LGALS8: variants seen among roughly 807,000 people sequenced by gnomAD.
The protein encoded by LGALS8 is galectin 8, also known as galectin-8.
A neutral mutation model predicts 35.9 loss-of-function variants in LGALS8; 30 were observed. That is an observed-to-expected ratio of 0.83 (90% CI 0.62 to 1.13). The LOEUF is 1.13. Among genes scored for constraint, LGALS8 ranks in the 50% most tolerant of loss-of-function variants. The pLI is 0.00. For missense variants in LGALS8, 366 were observed against 388.7 expected, an observed-to-expected ratio of 0.94 and a Z score of 0.49; for synonymous variants, 138 against 136.1, an observed-to-expected ratio of 1.01 and a Z score of -0.10.
At position 236,549,382 on chromosome 1, in the gene LGALS8, T is replaced by C. The variant is rs1662607655; in HGVS notation, c.*1221T>C. The C allele has an allele frequency of 6.0e-6, 1 of 166,962 alleles. No individual in the cohort carries two copies. Among genetic ancestry groups the C allele is most frequent in the South Asian group, 2.0e-4 (1 of 4,924 alleles). The allele number at this position is 166,962 out of a possible 1,614,324, so 10.3% of individuals were successfully genotyped here. ...ACAGGAAATTTCAAAGGTTTGGGAG[T>C]GGGGAGGGAAAAAAGCTCAGTCAGT... On this transcript the variant is annotated 3_prime_UTR_variant, in exon 10 of 10. Coordinates refer to ENST00000366584, the MANE Select transcript of LGALS8 (RefSeq NM_201544.4).
chr1:236,533,127 T>C (rs1301971717), intron 2 of LGALS8, among the ~76,000 whole-genome samples: 1 of 152,224 alleles, frequency 6.6e-6, no homozygotes, highest in Non-Finnish European at 1.5e-5. Context: ...TGACCCTGGC[T>C]GTACCTTTCT....
Position 236,526,004 on chromosome 1 carries a change from A to G in LGALS8, c.-67A>G. The G allele has an allele frequency of 4.6e-6, 6 of 1,300,468 alleles. No individual in the cohort carries two copies. The highest frequency in any genetic ancestry group is 6.7e-6 in the Non-Finnish European group (6 of 901,700). The allele number at this position is 1,300,468 out of a possible 1,614,324, so 80.6% of individuals were successfully genotyped here. ...CAGTTTCAATCCAGGTAACCTTTAAATGAAACTTGCCTAAAATCTTAGGTC... is the reference window on the plus strand; with the variant it reads ...CAGTTTCAATCCAGGTAACCTTTAAGTGAAACTTGCCTAAAATCTTAGGTC... On this transcript the variant is annotated 5_prime_UTR_variant, in exon 2 of 10. It removes an upstream start codon present in the reference 5' UTR. Transcript: ENST00000366584. The surrounding 1 kb of genome is among the most constrained non-coding windows in gnomAD (Gnocchi z 4.6).
intron 8 of LGALS8, among the ~76,000 whole-genome samples, chr1:236,544,134 G>A (rs896705764): frequency 6.6e-6 from 1 of 152,022 alleles, no homozygotes; most frequent in African/African-American, 2.4e-5. Context: ...TGTATTTTTA[G>A]TAGAGACAGG....
intron 4 of LGALS8, 128 bp downstream of exon 4, chr1:236,539,217 T>C (rs11807542): frequency 0.63 from 488,451 of 778,156 alleles, 157,512 homozygotes; most frequent in Non-Finnish European, 0.67. Context: ...GCTTTGTAGT[T>C]TTTCTCCATA....
chr1:236,551,051 C>T lies in LGALS8; in HGVS notation c.*2890C>T. ...GAGTCAGTCCGCCTGCCTCGGTTCT[C>T]ATTAGTTTAATTCTTAATGCCTTGC... On this transcript the variant is annotated 3_prime_UTR_variant, in exon 10 of 10. Transcript: ENST00000366584. The T allele has an allele frequency of 7.6e-7, 1 of 1,313,096 alleles. No individual in the cohort carries two copies. The highest frequency in any genetic ancestry group is 1.5e-5 in the African/African-American group (1 of 66,628). 81.3% of individuals were successfully genotyped at this position (1,313,096 alleles called of 1,614,324 possible). A position where few individuals can be genotyped will look rare whatever the true frequency, so the allele number is the denominator to read the frequency against.
At chr1:236,525,936 CT>C in intron 1 of LGALS8, 31 bp from the exon 2 acceptor site, 1 of 546,144 alleles carries the variant, frequency 1.8e-6, no homozygotes, top group East Asian at 2.9e-5. Context: ...TACATGCTTA[CT>C]TTTCTTTTCC....
chr1:236,521,603 G>A (rs368581128), upstream of LGALS8, among the ~76,000 whole-genome samples: 127 of 152,166 alleles, frequency 8.3e-4, 1 homozygote, highest in South Asian at 0.023. Context: ...CGAGGCGGGC[G>A]GATCACTTGA....
chr1:236,544,324 C>T (rs1189138423), intron 8 of LGALS8, among the ~76,000 whole-genome samples: 1 of 152,170 alleles, frequency 6.6e-6, no homozygotes, highest in Non-Finnish European at 1.5e-5. Flanking sequence ...TTTCCACAGA[C>T]GTCCAGCCTT....
At position 236,548,148 on chromosome 1, in the gene LGALS8, T is replaced by G; in HGVS notation, c.941T>G (p.Val314Gly). The change falls in exon 10 of 10, where the codon GTA (valine) becomes GGA (glycine). Residue 314 changes from valine (V) to glycine (G), a missense_variant. Val to Gly is a moderately radical substitution (Grantham distance 109). Transcript: ENST00000366584. ...EINGDIHLLE[V>G]RSW The stretch of plus-strand genomic sequence containing the variant: ...AATGGAGACATCCACTTACTGGAAG[T>G]AAGGAGCTGGTAGCCTACCTACACA... 6.2e-7 allele frequency: 1 copy of G among 1,613,446 alleles called. No individual in the cohort carries two copies. The highest frequency in any genetic ancestry group is 1.3e-5 in the African/African-American group (1 of 75,030).
At chr1:236,547,793 T>C (rs1049913116) in intron 9 of LGALS8, among the ~76,000 whole-genome samples, 1 of 152,144 alleles carries the variant, frequency 6.6e-6, no homozygotes, top group Non-Finnish European at 1.5e-5. Flanking sequence ...GCTCCAAACA[T>C]GTCCGAGTCA....
upstream of LGALS8, among the ~76,000 whole-genome samples, chr1:236,518,846 G>T (rs941679608): frequency 6.6e-6 from 1 of 152,028 alleles, no homozygotes; most frequent in East Asian, 1.9e-4. Flanking sequence ...TGGAGAGGGG[G>T]TCCAAAAATT....
intron 2 of LGALS8, among the ~76,000 whole-genome samples, chr1:236,530,979 G>A (rs1400020800): frequency 1.3e-5 from 2 of 152,150 alleles, no homozygotes; most frequent in Non-Finnish European, 2.9e-5. Context: ...AAGTGTGTGT[G>A]TTGTGTATAT....
chr1:236,535,482 C>CAT (rs3047457), intron 2 of LGALS8, among the ~76,000 whole-genome samples: 92,551 of 151,592 alleles, frequency 0.61, 29,116 homozygotes, highest in Non-Finnish European at 0.69. Context: ...ATATTACTAA[C>CAT]TTGTGTTATT....
chr1:236,550,991 C>CT lies in LGALS8; in HGVS notation c.*2831dup. The CT allele has an allele frequency of 2.1e-6, 2 of 953,680 alleles. No homozygotes were observed. Among genetic ancestry groups the CT allele is most frequent in the Non-Finnish European group, 2.9e-6 (2 of 679,780 alleles). The allele number at this position is 953,680 out of a possible 1,614,324, so 59.1% of individuals were successfully genotyped here. A position where few individuals can be genotyped will look rare whatever the true frequency, so the allele number is the denominator to read the frequency against. ...TGATGTTCTACTTCTTCACATTCAT[C>CT]TAAAAAAAAAAAAAAAAAATCAAAA... On this transcript the variant is annotated 3_prime_UTR_variant, in exon 10 of 10. Transcript: ENST00000366584.
Position 236,544,737 on chromosome 1 carries a change from T to C in LGALS8, c.639-13T>C, listed in dbSNP as rs112790242. Reference sequence around the variant, plus strand: ...GTTAATTAAGGTTTTTTTTTTTCTTTCTTTCTCAAAAGCTTTAATGTTGAC... The same window carrying C: ...GTTAATTAAGGTTTTTTTTTTTCTTCCTTTCTCAAAAGCTTTAATGTTGAC... On this transcript the variant is annotated splice_polypyrimidine_tract_variant and intron_variant, in intron 8 of 9. Coordinates refer to ENST00000366584, the MANE Select transcript of LGALS8 (RefSeq NM_201544.4). 62,763 of 1,570,238 alleles carry C rather than the reference T, an allele frequency of 0.04. 2,172 individuals are homozygous for C. Among genetic ancestry groups the C allele is most frequent in the African/African-American group, 0.18 (12,865 of 72,378 alleles).
Position 236,550,270 on chromosome 1 carries a change from A to C in LGALS8, c.*2109A>C, listed in dbSNP as rs1188584833. ...AGCAGCCAGGTGTGAGCTGTTTTAG[A>C]AGCAGCGTGTTGCCTTCATCTCTCC... On this transcript the variant is annotated 3_prime_UTR_variant, in exon 10 of 10. Transcript: ENST00000366584. The C allele has an allele frequency of 6.6e-6, 1 of 152,180 alleles. No homozygotes were observed. The highest frequency in any genetic ancestry group is 1.9e-4 in the East Asian group (1 of 5,186). 9.4% of individuals were successfully genotyped at this position (152,180 alleles called of 1,614,324 possible).
chr1:236,545,642 G>A (rs1199823517), intron 9 of LGALS8, among the ~76,000 whole-genome samples: 3 of 152,272 alleles, frequency 2.0e-5, no homozygotes, highest in South Asian at 2.1e-4. Context: ...ATCAAAACTC[G>A]TTACTAAAAG....
chr1:236,520,052 G>T (rs1445936288), upstream of LGALS8, among the ~76,000 whole-genome samples: 2 of 148,556 alleles, frequency 1.3e-5, no homozygotes, highest in African/African-American at 5.0e-5. Flanking sequence ...GGCCTTCTGG[G>T]TTCAAGCGAT....
chr1:236,543,596 G>C lies in LGALS8; in HGVS notation c.586G>C (p.Gly196Arg), dbSNP rs1480503141. The C allele has an allele frequency of 6.2e-7, 1 of 1,613,960 alleles. No homozygotes were observed. The highest frequency in any genetic ancestry group is 2.2e-5 in the East Asian group (1 of 44,876). The change falls in exon 8 of 10, where the codon GGC (glycine) becomes CGC (arginine). Residue 196 changes from glycine (G) to arginine (R), a missense_variant. By Grantham distance (125) the Gly-to-Arg change is moderately radical (BLOSUM62 -2). Coordinates refer to ENST00000366584, the MANE Select transcript of LGALS8 (RefSeq NM_201544.4). ...PFAARLNTPM[G>R]PGRTVVVKGE... ...CGCTGCAAGGTTGAACACCCCCATG[G>C]GCCCTGGACGAACTGTCGTCGTTAA...
Sources: gnomAD v4.1 joint callset for allele counts (sites outside exome capture counted in the v4.1 genomes callset) on GRCh38, gnomAD v4.1.1 for gene constraint, Gnocchi (gnomAD v3.1) non-coding constraint, MANE v1.5 for transcripts, NCBI Gene and HGNC (gene_info 2026-07-23, HGNC 2026-07-21) for gene names.